TMEM182: variants seen among roughly 807,000 people sequenced by gnomAD.
TMEM182 encodes the protein transmembrane protein 182.
In TMEM182, 20 loss-of-function variants were observed where a neutral mutation model predicts 26.8. The ratio of observed to expected loss-of-function variants is 0.75; its 90% CI spans 0.53 to 1.09. The LOEUF (loss-of-function observed/expected upper bound fraction) is 1.09. Ranked by LOEUF, TMEM182 falls within the 50% of genes least tolerant of loss-of-function variation. The pLI is 0.00. For missense variants in TMEM182, 277 were observed against 275.5 expected (o/e 1.01, Z -0.04); for synonymous variants, 109 against 102.2 (o/e 1.07, Z -0.40).
chr2:102,742,245 GC>G (rs1251203308), intron 1 of TMEM182, among the ~76,000 whole-genome samples: 4 of 152,144 alleles, frequency 2.6e-5, no homozygotes, highest in Non-Finnish European at 4.4e-5. Context: ...AATGAAAATT[GC>G]TTTTGATGGA....
At chr2:102,746,970 A>G (rs1679718114) in intron 1 of TMEM182, among the ~76,000 whole-genome samples, 1 of 152,216 alleles carries the variant, frequency 6.6e-6, no homozygotes, top group Non-Finnish European at 1.5e-5. Context: ...TCTTTAACGA[A>G]TGTTTTACAA....
intron 1 of TMEM182, among the ~76,000 whole-genome samples, chr2:102,755,421 C>T (rs745857810): frequency 2.6e-5 from 4 of 152,060 alleles, no homozygotes; most frequent in African/African-American, 4.8e-5. Flanking sequence ...AGCACGTCAC[C>T]GTTTGTATTT....
intron 1 of TMEM182, among the ~76,000 whole-genome samples, chr2:102,741,565 G>A (rs930176699): frequency 2.0e-5 from 3 of 152,024 alleles, no homozygotes; most frequent in Non-Finnish European, 4.4e-5. Flanking sequence ...TTGGTAACTC[G>A]AGTCTCCTCT....
intron 3 of TMEM182, among the ~76,000 whole-genome samples, chr2:102,787,654 T>C (rs1445102931): frequency 6.6e-6 from 1 of 152,160 alleles, no homozygotes; most frequent in Non-Finnish European, 1.5e-5. Context: ...CAGCATTTTT[T>C]CAAAATTTCT....
upstream of TMEM182, among the ~76,000 whole-genome samples, chr2:102,761,782 C>T (rs953361868): frequency 2.0e-5 from 3 of 152,206 alleles, no homozygotes; most frequent in Non-Finnish European, 4.4e-5. Context: ...CTTGTTCAGA[C>T]ACAAGATTTG....
intron 3 of TMEM182, among the ~76,000 whole-genome samples, chr2:102,782,480 CAT>C (rs1461892517): frequency 6.6e-6 from 1 of 151,846 alleles, no homozygotes; most frequent in South Asian, 2.1e-4. Flanking sequence ...ATGATGAAAA[CAT>C]ATATGGGGCT....
intron 3 of TMEM182, among the ~76,000 whole-genome samples, chr2:102,778,450 T>C (rs1047822121): frequency 2.0e-5 from 3 of 152,054 alleles, no homozygotes; most frequent in Admixed American, 2.0e-4. Flanking sequence ...TTTATAAAAA[T>C]CTGGTCTGGG....
upstream of TMEM182, chr2:102,758,320 A>G (rs1322096727): frequency 7.3e-5 from 45 of 614,010 alleles, no homozygotes; most frequent in East Asian, 1.3e-3. Flanking sequence ...TTCCTAGTGC[A>G]TGGACATTTT....
downstream of TMEM182, among the ~76,000 whole-genome samples, chr2:102,822,497 T>A (rs1439914141): frequency 6.6e-6 from 1 of 152,052 alleles, no homozygotes; most frequent in Non-Finnish European, 1.5e-5. Context: ...AGGTGGTTGG[T>A]GATGGTGACT....
intron 3 of TMEM182, among the ~76,000 whole-genome samples, chr2:102,829,774 G>A (rs112962307): frequency 0.038 from 5,833 of 152,150 alleles, 216 homozygotes; most frequent in Admixed American, 0.096. Context: ...GGCAGCCTGG[G>A]GCTTTATGAT....
chr2:102,738,179 A>C (rs1679418435), intron 1 of TMEM182, among the ~76,000 whole-genome samples: 1 of 152,192 alleles, frequency 6.6e-6, no homozygotes, highest in South Asian at 2.1e-4. Flanking sequence ...AGGGCTGCTC[A>C]TGTTAACCCA....
intron 4 of TMEM182, among the ~76,000 whole-genome samples, chr2:102,804,580 A>G (rs1029396803): frequency 6.6e-6 from 1 of 152,200 alleles, no homozygotes; most frequent in Admixed American, 6.5e-5. Context: ...GGTTGGATCC[A>G]CTACAGTGGT....
chr2:102,798,070 A>G lies in TMEM182; in HGVS notation c.469+70A>G. Reference sequence around the variant, plus strand: ...TCATGTCTTTCTATTTTTCATTTCTATATTCAGGCGTCAGCCTTCTAGTAA... The same window carrying G: ...TCATGTCTTTCTATTTTTCATTTCTGTATTCAGGCGTCAGCCTTCTAGTAA... On this transcript the variant is annotated intron_variant, in intron 4 of 4. Coordinates refer to ENST00000412401, the MANE Select transcript of TMEM182 (RefSeq NM_144632.5). 1.9e-6 allele frequency: 3 copies of G among 1,539,274 alleles called. No homozygotes were observed. In the South Asian group the frequency reaches 3.8e-5, roughly 20 times the overall value.
At chr2:102,818,514 A>G (rs1341531557), downstream of TMEM182, among the ~76,000 whole-genome samples, 1 of 152,206 alleles carries the variant, frequency 6.6e-6, no homozygotes, top group African/African-American at 2.4e-5. Context: ...CAGATCAGTG[A>G]GACAAACCTG....
intron 3 of TMEM182, among the ~76,000 whole-genome samples, chr2:102,790,760 C>G (rs1361911696): frequency 2.0e-5 from 3 of 152,140 alleles, no homozygotes; most frequent in Admixed American, 2.0e-4. Context: ...CTCCTTTGAC[C>G]TATGCTTGAA....
intron 4 of TMEM182, among the ~76,000 whole-genome samples, chr2:102,813,362 A>G (rs1682624046): frequency 6.6e-6 from 1 of 152,226 alleles, no homozygotes; most frequent in Admixed American, 6.5e-5. Flanking sequence ...CTCTGCCAAT[A>G]TGCCTCAGTC....
At position 102,764,404 on chromosome 2, in the gene TMEM182, C is replaced by T. The variant is rs377199521; in HGVS notation, c.308C>T (p.Ser103Leu). 7 of 1,613,722 alleles carry T rather than the reference C, an allele frequency of 4.3e-6. No homozygotes were observed. Among genetic ancestry groups the T allele is most frequent in the Non-Finnish European group, 5.1e-6 (6 of 1,179,854 alleles). The change falls in exon 3 of 5, where the codon TCG (serine) becomes TTG (leucine). Residue 103 changes from serine to leucine, a missense_variant. Coordinates refer to ENST00000412401, the MANE Select transcript of TMEM182 (RefSeq NM_144632.5). ...CCCTTCATGAGAGGCGAGCACAACT[C>T]GACCTCCTATGACTCTGCAGTTAGT... is the stretch of plus-strand genomic sequence containing the variant. ...PYPFMRGEHN[S>L]TSYDSAVIYR...
At chr2:102,784,195 T>C (rs1286489039) in intron 3 of TMEM182, among the ~76,000 whole-genome samples, 1 of 152,186 alleles carries the variant, frequency 6.6e-6, no homozygotes, top group Non-Finnish European at 1.5e-5. Context: ...ATCTATAAGG[T>C]CCCTTGATCA....
At chr2:102,801,991 G>GTGAC (rs1343210803) in intron 4 of TMEM182, among the ~76,000 whole-genome samples, 1 of 152,228 alleles carries the variant, frequency 6.6e-6, no homozygotes, top group African/African-American at 2.4e-5. Flanking sequence ...GGGATGGAAT[G>GTGAC]TGACTGGTCA....
Sources: gnomAD v4.1 joint callset for allele counts (sites outside exome capture counted in the v4.1 genomes callset) on GRCh38, gnomAD v4.1.1 for gene constraint, MANE v1.5 for transcripts, NCBI Gene and HGNC (gene_info 2026-07-23, HGNC 2026-07-21) for gene names.